The following PIR variants were observed in gnomAD, a reference collection of about 807,000 sequenced individuals.
PIR encodes the protein pirin (iron-binding nuclear protein).
In PIR, 22 loss-of-function variants were observed where a neutral mutation model predicts 24.2. The ratio of observed to expected loss-of-function variants is 0.91; its 90% CI spans 0.65 to 1.30. PIR has a LOEUF of 1.30. Among genes scored for constraint, PIR ranks in the 50% most tolerant of loss-of-function variants. PIR has a pLI of 0.00. For synonymous variants in PIR, 80 were observed against 79.6 expected, an observed-to-expected ratio of 1.00 and a Z score of -0.03; for missense variants, 220 against 220.3, an observed-to-expected ratio of 1.00 and a Z score of 0.01.
intron 5 of PIR, among the ~76,000 whole-genome samples, chrX:15,440,858 C>A (rs960707503): frequency 2.7e-5 from 3 of 110,927 alleles, no homozygotes; most frequent in Non-Finnish European, 5.7e-5. Flanking sequence ...AGAGTGGAGA[C>A]GGTATGGATA....
intron 2 of PIR, among the ~76,000 whole-genome samples, chrX:15,485,099 T>C (rs1307518172): frequency 8.9e-6 from 1 of 112,494 alleles, no homozygotes; most frequent in Non-Finnish European, 1.9e-5. Flanking sequence ...CCAGGACCTA[T>C]TGTTCAAGAC....
At chrX:15,467,930 T>C (rs544266046) in intron 3 of PIR, among the ~76,000 whole-genome samples, 1 of 111,787 alleles carries the variant, frequency 8.9e-6, no homozygotes, top group East Asian at 2.8e-4. Flanking sequence ...AATAAATGTT[T>C]TGGGGAATCT....
At position 15,413,043 on chromosome X, in the gene PIR, T is replaced by C. The variant is rs927624285; in HGVS notation, c.566-5493A>G. 2.7e-5 allele frequency among the ~76,000 whole-genome samples: 3 copies of C among 112,640 alleles called. No homozygotes were observed. The South Asian group carries it at 1.1e-3, about 41-fold the overall frequency. ...GGAAACATCAAACATACTGTTTCTA[T>C]TGTATGTCTGTATAAACATATATAA... On this transcript the variant is annotated intron_variant, in intron 6 of 9. Coordinates refer to ENST00000380420, the MANE Select transcript of PIR (RefSeq NM_001018109.3).
chrX:15,385,101 T>C lies in PIR; in HGVS notation c.776A>G (p.Asn259Ser), dbSNP rs1329224945. Residue 259 changes from asparagine to serine, a missense_variant, in exon 10 of 10, where the codon AAC becomes AGC. By Grantham distance (46) the Asn-to-Ser change is conservative. Coordinates refer to ENST00000380420, the MANE Select transcript of PIR (RefSeq NM_001018109.3). ...PVIQHGPFVM[N>S]TNEEISQAIL... is the part of the protein sequence containing the mutation. Reference sequence around the variant, plus strand: ...AGCTTGAGAAATCTCTTCATTGGTGTTCATCACAAATGGACCTAGGGCAGA... The same window carrying C: ...AGCTTGAGAAATCTCTTCATTGGTGCTCATCACAAATGGACCTAGGGCAGA... The C allele has an allele frequency of 1.7e-6, 2 of 1,161,681 alleles. No individual in the cohort carries two copies. The highest frequency in any genetic ancestry group is 4.4e-5 in the Admixed American group (2 of 45,507).
intron 6 of PIR, among the ~76,000 whole-genome samples, chrX:15,423,122 C>A (rs1488270811): frequency 8.9e-6 from 1 of 111,776 alleles, no homozygotes; most frequent in East Asian, 2.8e-4. Context: ...AAACAAAAAT[C>A]AAATCAAAAT....
At chrX:15,425,419 T>C (rs1438515059) in intron 6 of PIR, among the ~76,000 whole-genome samples, 1 of 102,923 alleles carries the variant, frequency 9.7e-6, no homozygotes, top group African/African-American at 3.7e-5. Flanking sequence ...TTCTTTTTTT[T>C]TTTTTTTTTT....
chrX:15,413,961 T>C (rs923849232), intron 6 of PIR, among the ~76,000 whole-genome samples: 9 of 111,973 alleles, frequency 8.0e-5, no homozygotes, highest in African/African-American at 2.9e-4. Context: ...TTCATAATAC[T>C]GAACACTCAT....
chrX:15,454,445 A>C (rs1395317525), intron 5 of PIR, among the ~76,000 whole-genome samples: 1 of 108,800 alleles, frequency 9.2e-6, no homozygotes, highest in African/African-American at 3.3e-5. Context: ...AACACAAAAC[A>C]AAATCATATA....
chrX:15,450,745 A>T (rs964922044), intron 5 of PIR, among the ~76,000 whole-genome samples: 9 of 112,382 alleles, frequency 8.0e-5, no homozygotes, highest in African/African-American at 2.9e-4. Flanking sequence ...TGCCGTTTGC[A>T]TGTGCTATAA....
At chrX:15,484,133 T>A (rs775978280) in intron 2 of PIR, among the ~76,000 whole-genome samples, 48 of 110,286 alleles carry the variant, frequency 4.4e-4, no homozygotes, top group Non-Finnish European at 8.1e-4. Flanking sequence ...ACTGATGTAA[T>A]GAATACCTAA....
At chrX:15,434,412 AAGGAGGAGGAAGG>A (rs1655803319) in intron 5 of PIR, among the ~76,000 whole-genome samples, 1 of 107,281 alleles carries the variant, frequency 9.3e-6, no homozygotes, top group African/African-American at 3.4e-5. Flanking sequence ...AGGAACGAAA[AAGGAGGAGGAAGG>A]AGGAGGAGGA....
chrX:15,416,644 T>C (rs917466537), intron 6 of PIR, among the ~76,000 whole-genome samples: 1 of 111,868 alleles, frequency 8.9e-6, no homozygotes, highest in African/African-American at 3.3e-5. Flanking sequence ...GGCTAGAGTC[T>C]TGCGTCTAAC....
intron 3 of PIR, among the ~76,000 whole-genome samples, chrX:15,463,160 G>A (rs1387338830): frequency 9.0e-6 from 1 of 111,390 alleles, no homozygotes; most frequent in African/African-American, 3.3e-5. Context: ...TGAGATCTGA[G>A]TAAGTCTGCC....
chrX:15,414,416 T>A (rs1924845445), intron 6 of PIR, among the ~76,000 whole-genome samples: 1 of 112,214 alleles, frequency 8.9e-6, no homozygotes, highest in Admixed American at 9.4e-5. Flanking sequence ...CAACTGATTT[T>A]TAATTGCTCA....
At chrX:15,422,908 G>A (rs1455674231) in intron 6 of PIR, among the ~76,000 whole-genome samples, 1 of 111,736 alleles carries the variant, frequency 8.9e-6, no homozygotes, top group Non-Finnish European at 1.9e-5. Flanking sequence ...CACACTGCCT[G>A]ACTTCAAATT....
At chrX:15,450,859 C>G (rs1432208616) in intron 5 of PIR, among the ~76,000 whole-genome samples, 1 of 111,654 alleles carries the variant, frequency 9.0e-6, no homozygotes, top group Non-Finnish European at 1.9e-5. Flanking sequence ...CAAATAACAT[C>G]CAGCCCCTAA....
chrX:15,398,973 A>T (rs185604402), intron 7 of PIR, among the ~76,000 whole-genome samples: 43 of 111,825 alleles, frequency 3.8e-4, no homozygotes, highest in African/African-American at 1.4e-3. Flanking sequence ...GAGCAGAAGA[A>T]TGTAGTGACT....
At position 15,397,514 on chromosome X, in the gene PIR, G is replaced by C; in HGVS notation, c.628C>G (p.Gln210Glu). 3 of 1,204,135 alleles carry C rather than the reference G, an allele frequency of 2.5e-6. No homozygotes were observed. The highest frequency in any genetic ancestry group is 3.4e-6 in the Non-Finnish European group (3 of 888,731). Reference sequence around the variant, plus strand: ...GCTGTGTGATGAGGTTCTATTTTTTGTTGTGCATCATCGGGCCCTACAAAA... The same window carrying C: ...GCTGTGTGATGAGGTTCTATTTTTTCTTGTGCATCATCGGGCCCTACAAAA... ...DVYIGPDDAQQKIEPHHTAVL... is the reference protein window; with the variant it reads ...DVYIGPDDAQEKIEPHHTAVL... The change falls in exon 8 of 10, where the codon CAA becomes GAA. Residue 210 changes from glutamine to glutamate, a missense_variant. Gln to Glu is a conservative substitution (Grantham distance 29, BLOSUM62 2). Coordinates refer to ENST00000380420, the MANE Select transcript of PIR (RefSeq NM_001018109.3).
At chrX:15,441,537 T>C (rs1470059292) in intron 5 of PIR, among the ~76,000 whole-genome samples, 1 of 110,993 alleles carries the variant, frequency 9.0e-6, no homozygotes, top group African/African-American at 3.3e-5. Context: ...GAGGCAGTCA[T>C]GGCTAAGCGT....
Sources: allele counts gnomAD v4.1 joint callset (sites outside exome capture counted in the v4.1 genomes callset), GRCh38; gene constraint gnomAD v4.1.1; transcripts MANE v1.5; gene names NCBI Gene and HGNC (gene_info 2026-07-23, HGNC 2026-07-21).